The following COMMD1 variants were observed in gnomAD, a reference collection of about 807,000 sequenced individuals.
The protein encoded by COMMD1 is copper metabolism domain containing 1, also known as COMM domain-containing protein 1.
A neutral mutation model predicts 17.2 loss-of-function variants in COMMD1; 10 were observed. The observed-to-expected ratio is 0.58, with a 90% confidence interval of 0.36 to 0.99. The LOEUF is 0.99. COMMD1 is among the 50% of genes least tolerant of loss of function. The pLI, the probability that COMMD1 is intolerant of heterozygous loss-of-function variation, is 0.01. For synonymous variants in COMMD1, 97 were observed against 91.6 expected, an observed-to-expected ratio of 1.06 and a Z score of -0.34; for missense variants, 270 against 231.8, an observed-to-expected ratio of 1.17 and a Z score of -1.07.
chr2:62,119,696 T>G (rs1230667644), intron 2 of COMMD1, among the ~76,000 whole-genome samples: 1 of 152,210 alleles, frequency 6.6e-6, no homozygotes, highest in African/African-American at 2.4e-5. Context: ...AGGCTGGGAA[T>G]AGATAGATGG....
At chr2:62,054,865 TAAAA>T (rs1670645712) in intron 2 of COMMD1, among the ~76,000 whole-genome samples, 1 of 152,076 alleles carries the variant, frequency 6.6e-6, no homozygotes. Context: ...TTGGTACAAA[TAAAA>T]AGGAAAAAAA....
chr2:62,073,774 C>G (rs1253985278), intron 2 of COMMD1, among the ~76,000 whole-genome samples: 1 of 152,158 alleles, frequency 6.6e-6, no homozygotes, highest in African/African-American at 2.4e-5. Flanking sequence ...TCTCGGCTCA[C>G]TGCAACCTCT....
At chr2:62,106,209 G>C (rs1477128518) in intron 2 of COMMD1, among the ~76,000 whole-genome samples, 1 of 152,128 alleles carries the variant, frequency 6.6e-6, no homozygotes, top group Non-Finnish European at 1.5e-5. Flanking sequence ...TTTATATATG[G>C]CACTTTGCTT....
chr2:62,023,065 A>G (rs1270869908), intron 2 of COMMD1, among the ~76,000 whole-genome samples: 1 of 152,166 alleles, frequency 6.6e-6, no homozygotes, highest in African/African-American at 2.4e-5. Context: ...CGACTCTACT[A>G]AAAATATAAA....
intron 1 of COMMD1, among the ~76,000 whole-genome samples, chr2:61,963,006 C>T (rs1331272740): frequency 2.6e-5 from 4 of 151,636 alleles, no homozygotes; most frequent in Non-Finnish European, 4.4e-5. Flanking sequence ...ACTAAAAATA[C>T]AAAATTAGCT....
chr2:62,112,376 G>A (rs981040799), intron 2 of COMMD1, among the ~76,000 whole-genome samples: 5 of 152,156 alleles, frequency 3.3e-5, no homozygotes, highest in African/African-American at 9.7e-5. Flanking sequence ...TGAAGCAGTT[G>A]GTACTGTTCC....
At chr2:62,012,254 C>T (rs1669298722) in intron 2 of COMMD1, among the ~76,000 whole-genome samples, 1 of 134,060 alleles carries the variant, frequency 7.5e-6, no homozygotes, top group African/African-American at 2.9e-5. Context: ...GAGACCTTGT[C>T]TCAAACACAC....
upstream of COMMD1, among the ~76,000 whole-genome samples, chr2:61,904,668 C>T (rs1669728957): frequency 6.6e-6 from 1 of 152,198 alleles, no homozygotes; most frequent in African/African-American, 2.4e-5. Flanking sequence ...TGATAAATTA[C>T]AATTAGGTCA....
At chr2:62,006,361 A>G (rs993356115) in intron 2 of COMMD1, among the ~76,000 whole-genome samples, 3 of 152,124 alleles carry the variant, frequency 2.0e-5, no homozygotes, top group Non-Finnish European at 2.9e-5. Context: ...ATTAAAAAAA[A>G]AAAGAAAATT....
intron 2 of COMMD1, among the ~76,000 whole-genome samples, chr2:62,113,525 A>G (rs1054780621): frequency 1.3e-5 from 2 of 152,096 alleles, no homozygotes; most frequent in Non-Finnish European, 2.9e-5. Flanking sequence ...CTGGGATCAC[A>G]GGCACCCACC....
chr2:61,946,380 C>T (rs531549857), intron 1 of COMMD1, among the ~76,000 whole-genome samples: 11 of 152,058 alleles, frequency 7.2e-5, no homozygotes, highest in African/African-American at 2.2e-4. Context: ...TCAAAAGGTT[C>T]GAATGTTTGA....
chr2:62,120,910 T>A (rs556240246), intron 2 of COMMD1, among the ~76,000 whole-genome samples: 11 of 152,160 alleles, frequency 7.2e-5, no homozygotes, highest in African/African-American at 2.7e-4. Context: ...TGTTTTTGTT[T>A]TTCTTTTTGT....
chr2:62,040,902 G>C lies in COMMD1; in HGVS notation c.462+39920G>C, dbSNP rs559854494. 1.5e-3 allele frequency among the ~76,000 whole-genome samples: 226 copies of C among 152,244 alleles called. 2 individuals are homozygous for C. Among genetic ancestry groups the C allele is most frequent in the African/African-American group, 4.3e-3 (177 of 41,536 alleles). ...GTTTTTGTACTTTTAGTAGAGATGG[G>C]GTTTTGCCATGTTGGCCAGGCTGGT... is the stretch of plus-strand genomic sequence containing the variant. On this transcript the variant is annotated intron_variant, in intron 2 of 2. Transcript: ENST00000311832.
chr2:61,980,392 A>G (rs10195613), intron 1 of COMMD1, among the ~76,000 whole-genome samples: 81 of 3,992 alleles, frequency 0.02, 6 homozygotes, highest in African/African-American at 0.11. Context: ...CTATTTCTCC[A>G]CATCCTCTCC....
intron 1 of COMMD1, among the ~76,000 whole-genome samples, chr2:61,957,720 C>T (rs940303004): frequency 2.6e-5 from 4 of 152,162 alleles, no homozygotes; most frequent in Admixed American, 6.6e-5. Context: ...GACGTAAAAA[C>T]ACAAGCAAAC....
intron 2 of COMMD1, among the ~76,000 whole-genome samples, chr2:62,022,529 T>C (rs1452013515): frequency 1.3e-5 from 2 of 148,330 alleles, no homozygotes; most frequent in African/African-American, 5.0e-5. Context: ...ATCATAAGGG[T>C]AAAGTATTTT....
At chr2:62,042,681 G>A (rs562070984) in intron 2 of COMMD1, among the ~76,000 whole-genome samples, 4 of 152,356 alleles carry the variant, frequency 2.6e-5, no homozygotes, top group African/African-American at 7.2e-5. Flanking sequence ...AGGGCTCCTC[G>A]AGCGCAGCCA....
At chr2:62,032,735 C>G (rs769162064) in intron 2 of COMMD1, among the ~76,000 whole-genome samples, 93 of 152,086 alleles carry the variant, frequency 6.1e-4, no homozygotes, top group Non-Finnish European at 9.3e-4. Context: ...CTTCTCTCCT[C>G]TCTCTCTTTC....
intron 1 of COMMD1, among the ~76,000 whole-genome samples, chr2:61,961,560 T>A (rs1476174839): frequency 6.6e-6 from 1 of 152,166 alleles, no homozygotes; most frequent in African/African-American, 2.4e-5. Context: ...CTTTTTATAA[T>A]CTTTGAAAAA....
Sources: gnomAD v4.1 joint callset for allele counts (sites outside exome capture counted in the v4.1 genomes callset) on GRCh38, gnomAD v4.1.1 for gene constraint, MANE v1.5 for transcripts, NCBI Gene and HGNC (gene_info 2026-07-23, HGNC 2026-07-21) for gene names.